The following RUVBL1 variants were observed in gnomAD, a reference collection of about 807,000 sequenced individuals.
RUVBL1 encodes ruvB-like 1.
A neutral mutation model predicts 52.4 loss-of-function variants in RUVBL1; 4 were observed. That is an observed-to-expected ratio of 0.08 (90% CI 0.04 to 0.17). The LOEUF (loss-of-function observed/expected upper bound fraction) is 0.17. Ranked by LOEUF, RUVBL1 falls within the 10% of genes least tolerant of loss-of-function variation. The probability of loss-of-function intolerance (pLI) is 1.00; values close to 1 mark genes in which losing one functional copy is unlikely to be tolerated. For missense variants in RUVBL1, 298 were observed against 572.8 expected, an observed-to-expected ratio of 0.52 and a Z score of 4.90; for synonymous variants, 217 against 214.4, an observed-to-expected ratio of 1.01 and a Z score of -0.10.
intron 1 of RUVBL1, among the ~76,000 whole-genome samples, chr3:128,142,587 T>C (rs539611817): frequency 6.6e-6 from 1 of 152,240 alleles, no homozygotes; most frequent in South Asian, 2.1e-4. Context: ...CCAAAATGGG[T>C]CTCACTGGGC....
At chr3:128,077,064 CATTG>C (rs2107664491), downstream of RUVBL1, among the ~76,000 whole-genome samples, 1 of 151,942 alleles carries the variant, frequency 6.6e-6, no homozygotes, top group South Asian at 2.1e-4. Context: ...GCGCGCCGCC[CATTG>C]ATCGCGCCGG....
At chr3:128,076,602 G>A (rs1346609662), downstream of RUVBL1, among the ~76,000 whole-genome samples, 1 of 152,110 alleles carries the variant, frequency 6.6e-6, no homozygotes, top group African/African-American at 2.4e-5. This position sits in a 1 kb window ranked among gnomAD's most constrained non-coding sequence, Gnocchi z 6.8. Flanking sequence ...CAGGGATCGC[G>A]GTGGGGAGGT....
intron 3 of RUVBL1, among the ~76,000 whole-genome samples, chr3:128,106,041 T>G (rs557067163): frequency 1.3e-5 from 2 of 152,176 alleles, no homozygotes; most frequent in East Asian, 1.9e-4. Context: ...GGCTAATTTT[T>G]GGGGTTTTTT....
Position 128,067,858 on chromosome 3 carries a change from TA to T in RUVBL1, c.940-2639del. 2.5e-6 allele frequency: 2 copies of T among 815,956 alleles called. No individual in the cohort carries two copies. Among genetic ancestry groups the T allele is most frequent in the South Asian group, 3.0e-5 (2 of 66,078 alleles). The allele number at this position is 815,956 out of a possible 1,614,324, so 50.5% of individuals were successfully genotyped here. On this transcript the variant is annotated intron_variant, in intron 9 of 9. Transcript: ENST00000464873. The surrounding 1 kb of genome is among the most constrained non-coding windows in gnomAD (Gnocchi z 4.1). Reference sequence around the variant, plus strand: ...TCATATGACTTCCTTGCGGCAGTTTTAAAGTTCTCTGTATGAATATTGTCAG... The same window carrying T: ...TCATATGACTTCCTTGCGGCAGTTTTAAGTTCTCTGTATGAATATTGTCAG...
At chr3:128,080,243 TA>T (rs1942432043), downstream of RUVBL1, among the ~76,000 whole-genome samples, 2 of 152,282 alleles carry the variant, frequency 1.3e-5, no homozygotes, top group South Asian at 4.1e-4. Flanking sequence ...AGCAACAAAA[TA>T]AATCTACTAA....
exon 1 of RUVBL1, chr3:128,153,349 G>A: frequency 2.9e-6 from 4 of 1,380,110 alleles, no homozygotes; most frequent in Non-Finnish European, 3.7e-6. Context: ...CACGGCGCTC[G>A]GCTGTGCCCG....
At chr3:128,130,595 CAAAA>C (rs71153121) in intron 1 of RUVBL1, among the ~76,000 whole-genome samples, 1 of 104,910 alleles carries the variant, frequency 9.5e-6, no homozygotes. Context: ...CCCATCTCTA[CAAAA>C]AAAAAAAAAA....
At chr3:128,068,060 G>T in intron 9 of RUVBL1, 1 of 1,613,160 alleles carries the variant, frequency 6.2e-7, no homozygotes, top group Non-Finnish European at 8.5e-7. Context: ...AACTCAACCG[G>T]TGAGTGGTGG....
intron 9 of RUVBL1, among the ~76,000 whole-genome samples, chr3:128,075,652 C>A (rs953133647): frequency 1.2e-4 from 18 of 150,780 alleles, no homozygotes; most frequent in African/African-American, 4.4e-4. Flanking sequence ...AATCTCGGAT[C>A]CCTGGGCTAG....
exon 1 of RUVBL1, chr3:128,153,569 CGGCGCT>C (rs1015354110): frequency 1.9e-6 from 3 of 1,541,102 alleles, no homozygotes; most frequent in Non-Finnish European, 2.6e-6. Context: ...AGCGGCAAGA[CGGCGCT>C]GGCGCGGGCG....
chr3:128,087,696 G>A lies in RUVBL1; in HGVS notation c.1119+10C>T. ...AGAGAAGAGAGCAGGAGGGAAGAAG[G>A]GAGGCTCACCTGTTTCATTTCCTGT... On this transcript the variant is annotated intron_variant, in intron 9 of 10. Transcript: ENST00000322623. 1 of 1,604,298 alleles carries A rather than the reference G, an allele frequency of 6.2e-7. No individual in the cohort carries two copies. Among genetic ancestry groups the A allele is most frequent in the Non-Finnish European group, 8.5e-7 (1 of 1,171,872 alleles).
chr3:128,098,846 C>T (rs987734575), intron 7 of RUVBL1, 36 bp downstream of exon 7: 2 of 1,595,232 alleles, frequency 1.3e-6, no homozygotes, highest in Non-Finnish European at 1.7e-6. Flanking sequence ...GCCCTCCGCC[C>T]TGCCCCTTGC....
Position 128,082,887 on chromosome 3 carries a change from G to A in RUVBL1, c.1120-313C>T, listed in dbSNP as rs545556734. 9 of 243,428 alleles carry A rather than the reference G, an allele frequency of 3.7e-5. No homozygotes were observed. The highest frequency in any genetic ancestry group is 1.5e-4 in the South Asian group (3 of 19,658). 15.1% of individuals were successfully genotyped at this position (243,428 alleles called of 1,614,324 possible). A position where few individuals can be genotyped will look rare whatever the true frequency, so the allele number is the denominator to read the frequency against. Reference sequence around the variant, plus strand: ...CTCACTCTTGCCTCCATGTCCTCCCGTCCCCTGTCCCCAGGCAGAGAACTG... The same window carrying A: ...CTCACTCTTGCCTCCATGTCCTCCCATCCCCTGTCCCCAGGCAGAGAACTG... On this transcript the variant is annotated intron_variant, in intron 9 of 10. Transcript: ENST00000322623. This position sits in a 1 kb window ranked among gnomAD's most constrained non-coding sequence, Gnocchi z 4.7.
intron 9 of RUVBL1, chr3:128,066,669 C>T: frequency 2.3e-6 from 1 of 427,402 alleles, no homozygotes; most frequent in Admixed American, 4.0e-5. Flanking sequence ...AGCAATTCTC[C>T]CACCTCGGCC....
intron 9 of RUVBL1, among the ~76,000 whole-genome samples, chr3:128,072,992 C>A (rs1942212349): frequency 6.6e-6 from 1 of 152,190 alleles, no homozygotes; most frequent in African/African-American, 2.4e-5. Flanking sequence ...GCTCTCACTT[C>A]ACCCCACTAG....
chr3:128,150,044 C>T (rs1232475315), intron 1 of RUVBL1, among the ~76,000 whole-genome samples: 1 of 152,194 alleles, frequency 6.6e-6, no homozygotes, highest in East Asian at 1.9e-4. Flanking sequence ...GCAGCACGTT[C>T]TTTCATCAAT....
At chr3:128,079,562 G>A (rs955715719), downstream of RUVBL1, among the ~76,000 whole-genome samples, 1 of 152,194 alleles carries the variant, frequency 6.6e-6, no homozygotes, top group African/African-American at 2.4e-5. Flanking sequence ...CGAGTGGGGA[G>A]GCTAAAGACA....
At chr3:128,104,663 C>T in intron 4 of RUVBL1, 110 bp downstream of exon 4, 3 of 863,784 alleles carry the variant, frequency 3.5e-6, no homozygotes, top group Non-Finnish European at 5.2e-6. Flanking sequence ...GAAATCAATA[C>T]CTGCAGTGCA....
At position 128,150,314 on chromosome 3, in the gene RUVBL1, G is replaced by C. The variant is rs138001679; in HGVS notation, c.-40+2889C>G. Among the ~76,000 whole-genome samples the C allele has an allele frequency of 4.1e-3, 624 of 152,152 alleles. 7 individuals are homozygous for C. The highest frequency in any genetic ancestry group is 4.2e-3 in the Non-Finnish European group (283 of 68,006). Reference sequence around the variant, plus strand: ...GATTTGTATTAGTCAGGATTCTCTAGAGGGACAGAACTAATGGAATATACA... The same window carrying C: ...GATTTGTATTAGTCAGGATTCTCTACAGGGACAGAACTAATGGAATATACA... On this transcript the variant is annotated intron_variant, in intron 1 of 9. Transcript: ENST00000464873.
Sources: allele counts gnomAD v4.1 joint callset (sites outside exome capture counted in the v4.1 genomes callset), GRCh38; gene constraint gnomAD v4.1.1; non-coding constraint Gnocchi (gnomAD v3.1); transcripts MANE v1.5; gene names NCBI Gene and HGNC (gene_info 2026-07-23, HGNC 2026-07-21).